Variants in XKR9 observed in about 807,000 individuals in gnomAD.
The protein encoded by XKR9 is XK-related protein 9.
Under a neutral mutation model 32.0 loss-of-function variants are expected in XKR9, and 32 were observed. That is an observed-to-expected ratio of 1.00 (90% confidence interval 0.76 to 1.34). The LOEUF (loss-of-function observed/expected upper bound fraction) is 1.34. Among genes scored for constraint, XKR9 ranks in the 40% most tolerant of loss-of-function variants. XKR9 has a pLI of 0.00. For missense variants in XKR9, 546 were observed against 429.7 expected (o/e 1.27, Z -2.39); for synonymous variants, 168 against 143.4 (o/e 1.17, Z -1.22).
At chr8:70,684,168 C>T (rs560093484) in intron 3 of XKR9, among the ~76,000 whole-genome samples, 1 of 151,786 alleles carries the variant, frequency 6.6e-6, no homozygotes, top group Non-Finnish European at 1.5e-5. Context: ...ATTTGTTGGT[C>T]CTCTTGATTC....
At chr8:70,988,248 T>G in the XKR9 span, among the ~76,000 whole-genome samples, 1 of 152,028 alleles carries the variant, frequency 6.6e-6, no homozygotes, top group Non-Finnish European at 1.5e-5. Flanking sequence ...CAGACTTCCT[T>G]TTTCTTGAGA....
At chr8:70,990,493 G>A in the XKR9 span, among the ~76,000 whole-genome samples, 9 of 152,154 alleles carry the variant, frequency 5.9e-5, no homozygotes, top group Non-Finnish European at 1.0e-4. Flanking sequence ...TAACTTGCCT[G>A]CAATCCATAA....
chr8:71,024,521 G>A, the XKR9 span, among the ~76,000 whole-genome samples: 1 of 152,100 alleles, frequency 6.6e-6, no homozygotes, highest in African/African-American at 2.4e-5. Flanking sequence ...TCTTAAAATG[G>A]CACCATTCTG....
At chr8:70,705,510 A>G (rs1239065840) in intron 3 of XKR9, among the ~76,000 whole-genome samples, 2 of 152,062 alleles carry the variant, frequency 1.3e-5, no homozygotes, top group African/African-American at 4.8e-5. Context: ...AAATATATGG[A>G]GTTTAGAAGA....
chr8:70,791,242 TA>T (rs1475867935), downstream of XKR9, among the ~76,000 whole-genome samples: 3 of 151,266 alleles, frequency 2.0e-5, no homozygotes, highest in South Asian at 2.1e-4. Flanking sequence ...AAAGCTGAGG[TA>T]GGGGGAGGAT....
the XKR9 span, among the ~76,000 whole-genome samples, chr8:70,943,152 A>G: frequency 2.0e-5 from 3 of 152,066 alleles, no homozygotes; most frequent in South Asian, 4.1e-4. Flanking sequence ...GAGTTGAAAA[A>G]CCTATTCAGT....
the XKR9 span, among the ~76,000 whole-genome samples, chr8:71,062,707 G>C: frequency 1.9e-3 from 291 of 151,906 alleles, 2 homozygotes; most frequent in African/African-American, 6.4e-3. Context: ...AGTCAGATTT[G>C]TCAGGGAAAA....
intron 2 of XKR9, among the ~76,000 whole-genome samples, chr8:70,775,162 A>C (rs1004691428): frequency 6.6e-6 from 1 of 152,044 alleles, no homozygotes; most frequent in Non-Finnish European, 1.5e-5. Flanking sequence ...TGAGTCTTGC[A>C]TATTGATTTT....
At chr8:71,056,999 C>T in the XKR9 span, among the ~76,000 whole-genome samples, 7 of 152,136 alleles carry the variant, frequency 4.6e-5, no homozygotes, top group Non-Finnish European at 1.0e-4. Context: ...TGAGTAGATA[C>T]TGGGCTAAAA....
intron 4 of XKR9, among the ~76,000 whole-genome samples, chr8:70,730,069 G>T (rs905807566): frequency 2.0e-5 from 3 of 151,986 alleles, no homozygotes; most frequent in Non-Finnish European, 4.4e-5. Flanking sequence ...ATTTTTTAAG[G>T]CAAAACCCTT....
chr8:70,895,259 GTC>G, the XKR9 span, among the ~76,000 whole-genome samples: 1 of 152,134 alleles, frequency 6.6e-6, no homozygotes. Flanking sequence ...TTCTCTGTGT[GTC>G]TATCCCTAGT....
At chr8:70,900,296 A>G in the XKR9 span, among the ~76,000 whole-genome samples, 1 of 152,150 alleles carries the variant, frequency 6.6e-6, no homozygotes, top group African/African-American at 2.4e-5. Flanking sequence ...TGGTGAATTA[A>G]AAAGGAACTC....
chr8:70,781,966 G>T (rs1037492934), intron 2 of XKR9, among the ~76,000 whole-genome samples: 1 of 152,164 alleles, frequency 6.6e-6, no homozygotes, highest in Non-Finnish European at 1.5e-5. Context: ...CTTGGTATGT[G>T]GTTAGAACTT....
At chr8:70,901,120 C>A in the XKR9 span, among the ~76,000 whole-genome samples, 2 of 152,138 alleles carry the variant, frequency 1.3e-5, no homozygotes, top group Non-Finnish European at 2.9e-5. Context: ...AATAAACATA[C>A]GTGTGCATGT....
At chr8:70,979,284 C>T in the XKR9 span, among the ~76,000 whole-genome samples, 20 of 152,304 alleles carry the variant, frequency 1.3e-4, no homozygotes, top group South Asian at 4.1e-4. Flanking sequence ...TCACTGCTGG[C>T]GAGGAGCTGC....
chr8:70,851,830 C>T, the XKR9 span, among the ~76,000 whole-genome samples: 3 of 152,190 alleles, frequency 2.0e-5, no homozygotes, highest in African/African-American at 7.2e-5. Flanking sequence ...CATAAACACC[C>T]TAGAAGAAAA....
At chr8:70,794,510 T>C (rs950455991), downstream of XKR9, among the ~76,000 whole-genome samples, 9 of 152,104 alleles carry the variant, frequency 5.9e-5, no homozygotes, top group Admixed American at 1.3e-4. Context: ...CTTTATTAGA[T>C]TGAGAAAGTT....
the XKR9 span, among the ~76,000 whole-genome samples, chr8:70,810,476 A>G: frequency 1.4e-4 from 22 of 152,364 alleles, no homozygotes; most frequent in East Asian, 3.9e-4. Flanking sequence ...AAATGCTCCA[A>G]TTAAAAGACA....
At chr8:70,895,616 C>T in the XKR9 span, among the ~76,000 whole-genome samples, 1 of 152,060 alleles carries the variant, frequency 6.6e-6, no homozygotes, top group East Asian at 1.9e-4. Flanking sequence ...GGATAATGCA[C>T]TGTCTTTCAC....
Sources: gnomAD v4.1 joint callset for allele counts (sites outside exome capture counted in the v4.1 genomes callset) on GRCh38, gnomAD v4.1.1 for gene constraint, MANE v1.5 for transcripts, NCBI Gene and HGNC (gene_info 2026-07-23, HGNC 2026-07-21) for gene names.